The following KCNQ1 variants were observed in gnomAD, a reference collection of about 807,000 sequenced individuals.
KCNQ1 encodes the protein potassium voltage-gated channel subfamily KQT member 1.
KCNQ1 carries 49 observed loss-of-function variants against 72.4 expected under a neutral mutation model. That is an observed-to-expected ratio of 0.68 (90% confidence interval 0.54 to 0.86). The LOEUF is 0.86. Among genes scored for constraint, KCNQ1 ranks in the 40% least tolerant of loss-of-function variants. KCNQ1 has a pLI of 0.00. For missense variants in KCNQ1, 790 were observed against 945.1 expected (o/e 0.84, Z 2.15); for synonymous variants, 450 against 412.6 (o/e 1.09, Z -1.10).
chr11:2,771,685 C>T lies in KCNQ1; in HGVS notation c.1590+2766C>T, dbSNP rs556760408. 3.3e-5 allele frequency: 5 copies of T among 152,282 alleles called. No homozygotes were observed. In the East Asian group the frequency reaches 9.6e-4, roughly 29 times the overall value. The allele number at this position is 152,282 out of a possible 1,614,324, so 9.4% of individuals were successfully genotyped here. A position where few individuals can be genotyped will look rare whatever the true frequency, so the allele number is the denominator to read the frequency against. On this transcript the variant is annotated intron_variant, in intron 12 of 15. Transcript: ENST00000155840. ...GAATATATGGGCCAAGAAATGGTTTCTCTTGGTAAATAAGCAATTAACAAA... is the reference window on the plus strand; with the variant it reads ...GAATATATGGGCCAAGAAATGGTTTTTCTTGGTAAATAAGCAATTAACAAA...
chr11:2,664,728 G>T lies in KCNQ1; in HGVS notation c.1514+2647G>T. ...GGAAGAGAGGCACACGCCCTGGTGT[G>T]TGTGAGGGACAGGGATGTGTGCTGG... On this transcript the variant is annotated intron_variant, in intron 11 of 15. Coordinates refer to ENST00000155840, the MANE Select transcript of KCNQ1 (RefSeq NM_000218.3). This position sits in a 1 kb window ranked among gnomAD's most constrained non-coding sequence, Gnocchi z 5.1. The T allele has an allele frequency of 2.5e-6, 1 of 398,768 alleles. No homozygotes were observed. The highest frequency in any genetic ancestry group is 4.4e-6 in the Non-Finnish European group (1 of 226,166). The allele number at this position is 398,768 out of a possible 1,614,324, so 24.7% of individuals were successfully genotyped here.
In KCNQ1 at chr11:2,768,866, A is replaced by T. The variant is rs778975231; in HGVS notation, c.1537A>T (p.Thr513Ser). The change falls in exon 12 of 16, where the codon ACC (threonine) becomes TCC (serine). Residue 513 changes from threonine (T) to serine (S), a missense_variant. Physicochemically the swap from Thr to Ser is moderately conservative, Grantham distance 58. Around this residue, in one of 5 missense-constraint regions of KCNQ1, gnomAD observed 178 missense variants for 177.9 expected, o/e 1.00. Coordinates refer to ENST00000155840, the MANE Select transcript of KCNQ1 (RefSeq NM_000218.3). This position sits in a 1 kb window ranked among gnomAD's most constrained non-coding sequence, Gnocchi z 6.7. ...CAGGCTGCGGGAACACCATCGGGCC[A>T]CCATTAAGGTCATTCGACGCATGCA... ...ISQLREHHRA[T>S]IKVIRRMQYF... The T allele has an allele frequency of 1.2e-6, 2 of 1,614,046 alleles. No individual in the cohort carries two copies. The highest frequency in any genetic ancestry group is 3.3e-5 in the Admixed American group (2 of 60,018).
intron 15 of KCNQ1, 37 bp downstream of exon 15, chr11:2,778,074 G>C: frequency 6.3e-7 from 1 of 1,598,012 alleles, no homozygotes; most frequent in Non-Finnish European, 8.6e-7. Flanking sequence ...GTTCTGGTTA[G>C]CGTCCTGGGG....
chr11:2,809,661 A>C lies in KCNQ1; in HGVS notation c.1794+31624A>C, dbSNP rs7943684. Among the ~76,000 whole-genome samples the C allele has an allele frequency of 0.033, 5,006 of 152,186 alleles. 252 individuals are homozygous for C. The highest frequency in any genetic ancestry group is 0.11 in the African/African-American group (4,585 of 41,472). On this transcript the variant is annotated intron_variant, in intron 15 of 15. Transcript: ENST00000155840. The surrounding 1 kb of genome is among the most constrained non-coding windows in gnomAD (Gnocchi z 7.1). ...CTGACTCCAGAGGGCCCCACGGCTCATGCCTGCTTCCCTGCTATCCTCCTG... is the reference window on the plus strand; with the variant it reads ...CTGACTCCAGAGGGCCCCACGGCTCCTGCCTGCTTCCCTGCTATCCTCCTG...
intron 11 of KCNQ1, among the ~76,000 whole-genome samples, chr11:2,737,876 G>A (rs1157144834): frequency 2.0e-5 from 3 of 152,226 alleles, no homozygotes; most frequent in African/African-American, 7.2e-5. Flanking sequence ...TAATACAGGA[G>A]TGGGCTGGAG....
intron 1 of KCNQ1, among the ~76,000 whole-genome samples, chr11:2,511,010 T>A (rs1847191029): frequency 6.6e-6 from 1 of 152,164 alleles, no homozygotes; most frequent in South Asian, 2.1e-4. Context: ...CCCCGAGACG[T>A]CACCCTTTCT....
At chr11:2,578,407 T>A (rs1029937084) in intron 6 of KCNQ1, among the ~76,000 whole-genome samples, 1 of 152,108 alleles carries the variant, frequency 6.6e-6, no homozygotes, top group African/African-American at 2.4e-5. Flanking sequence ...TTGTCCCACA[T>A]CCCCTGGAAC....
intron 1 of KCNQ1, among the ~76,000 whole-genome samples, chr11:2,522,060 T>A (rs1455525746): frequency 6.6e-6 from 1 of 152,218 alleles, no homozygotes; most frequent in East Asian, 1.9e-4. Context: ...GGGGCTGAGA[T>A]GTTGAAATGA....
At chr11:2,685,197 A>T (rs1850463917) in intron 11 of KCNQ1, 3 of 398,612 alleles carry the variant, frequency 7.5e-6, no homozygotes, top group Non-Finnish European at 1.3e-5. Context: ...CTTCGTGGGG[A>T]TGGCTGGCAC....
chr11:2,654,155 G>A lies in KCNQ1; in HGVS notation c.1394-7806G>A, dbSNP rs1236001115. 3 of 398,408 alleles carry A rather than the reference G, an allele frequency of 7.5e-6. No individual in the cohort carries two copies. The highest frequency in any genetic ancestry group is 8.8e-5 in the Admixed American group (2 of 22,722). 24.7% of individuals were successfully genotyped at this position (398,408 alleles called of 1,614,324 possible). A position where few individuals can be genotyped will look rare whatever the true frequency, so the allele number is the denominator to read the frequency against. ...ACTCTGGCTCAGGGTCTATGAGCCG[G>A]GCATGGGCAGCTGGCACAGGCTGTG... On this transcript the variant is annotated intron_variant, in intron 10 of 15. Coordinates refer to ENST00000155840, the MANE Select transcript of KCNQ1 (RefSeq NM_000218.3). The surrounding 1 kb of genome is among the most constrained non-coding windows in gnomAD (Gnocchi z 6.4).
intron 10 of KCNQ1, chr11:2,632,550 T>A (rs1399460969): frequency 2.5e-6 from 1 of 398,250 alleles, no homozygotes; most frequent in Non-Finnish European, 4.4e-6. Context: ...CATGTAATAA[T>A]TGTAGATATT....
At chr11:2,631,804 C>A (rs926672310) in intron 10 of KCNQ1, 1 of 398,432 alleles carries the variant, frequency 2.5e-6, no homozygotes, top group African/African-American at 2.1e-5. Context: ...TCCTTGGTGG[C>A]CAAGGCTGAG....
rs1851177315 is a variant in KCNQ1, at chr11:2,720,102, G to A, written c.1515-48742G>A. On this transcript the variant is annotated intron_variant, in intron 11 of 15. Coordinates refer to ENST00000155840, the MANE Select transcript of KCNQ1 (RefSeq NM_000218.3). This position sits in a 1 kb window ranked among gnomAD's most constrained non-coding sequence, Gnocchi z 5.1. ...CCAGCTCACTGGAGGGGCTCCTGCTGAAAGAGGTGGGGTTCAGTTCCCAAA... is the reference window on the plus strand; with the variant it reads ...CCAGCTCACTGGAGGGGCTCCTGCTAAAAGAGGTGGGGTTCAGTTCCCAAA... Among the ~76,000 whole-genome samples, 1 of 152,220 alleles carries A rather than the reference G, an allele frequency of 6.6e-6. No homozygotes were observed. The highest frequency in any genetic ancestry group is 1.5e-5 in the Non-Finnish European group (1 of 68,038).
At chr11:2,780,344 C>T (rs1416752695) in intron 15 of KCNQ1, among the ~76,000 whole-genome samples, 7 of 152,310 alleles carry the variant, frequency 4.6e-5, no homozygotes, top group East Asian at 3.9e-4. Flanking sequence ...CCATCGGGAC[C>T]GTAAATACCC....
Position 2,603,882 on chromosome 11 carries a change from G to C in KCNQ1, c.1393+15028G>C, listed in dbSNP as rs192990511. 1.1e-3 allele frequency among the ~76,000 whole-genome samples: 170 copies of C among 152,074 alleles called. No individual in the cohort carries two copies. Among genetic ancestry groups the C allele is most frequent in the African/African-American group, 4.0e-3 (166 of 41,500 alleles). The stretch of plus-strand genomic sequence containing the variant: ...ATTTTTGTATTTTTAGTAGTGACGG[G>C]GTTTCGCCATGTTAGCCAGGCTGGT... On this transcript the variant is annotated intron_variant, in intron 10 of 15. Coordinates refer to ENST00000155840, the MANE Select transcript of KCNQ1 (RefSeq NM_000218.3). The surrounding 1 kb of genome is among the most constrained non-coding windows in gnomAD (Gnocchi z 4.1).
At chr11:2,476,200 C>T (rs1288488908) in intron 1 of KCNQ1, among the ~76,000 whole-genome samples, 2 of 152,112 alleles carry the variant, frequency 1.3e-5, no homozygotes. Flanking sequence ...AAACATTGAT[C>T]ATATACTAGA....
intron 6 of KCNQ1, among the ~76,000 whole-genome samples, 167 bp from the exon 7 acceptor site, chr11:2,583,268 C>G (rs1319027907): frequency 6.6e-6 from 1 of 152,160 alleles, no homozygotes; most frequent in African/African-American, 2.4e-5. Flanking sequence ...ATGTGCCATC[C>G]CGCGGCTCTG....
At chr11:2,503,735 C>G (rs1258202233) in intron 1 of KCNQ1, among the ~76,000 whole-genome samples, 1 of 152,086 alleles carries the variant, frequency 6.6e-6, no homozygotes, top group East Asian at 1.9e-4. Flanking sequence ...AAAAGGTACT[C>G]AACGTCACTG....
At position 2,654,790 on chromosome 11, in the gene KCNQ1, G is replaced by C; in HGVS notation, c.1394-7171G>C. 1 of 398,616 alleles carries C rather than the reference G, an allele frequency of 2.5e-6. No homozygotes were observed. Among genetic ancestry groups the C allele is most frequent in the Non-Finnish European group, 4.4e-6 (1 of 226,124 alleles). 24.7% of individuals were successfully genotyped at this position (398,616 alleles called of 1,614,324 possible). On this transcript the variant is annotated intron_variant, in intron 10 of 15. Transcript: ENST00000155840. This position sits in a 1 kb window ranked among gnomAD's most constrained non-coding sequence, Gnocchi z 6.4. ...GAGGAAGTGAGACCAGAATTTCTTG[G>C]GAACAGAAAGCCTCAAAGACTTTCA...
Sources: allele counts gnomAD v4.1 joint callset (sites outside exome capture counted in the v4.1 genomes callset), GRCh38; gene constraint gnomAD v4.1.1; regional missense constraint gnomAD v4.1.1; non-coding constraint Gnocchi (gnomAD v3.1); transcripts MANE v1.5; gene names NCBI Gene and HGNC (gene_info 2026-07-23, HGNC 2026-07-21).